The following USP6NL variants were observed in gnomAD, a reference collection of about 807,000 sequenced individuals.
The protein encoded by USP6NL is USP6 N-terminal-like protein.
A neutral mutation model predicts 61.9 loss-of-function variants in USP6NL; 26 were observed. That is an observed-to-expected ratio of 0.42 (90% CI 0.31 to 0.58). The LOEUF is 0.58. Ranked by LOEUF, USP6NL falls within the 20% of genes least tolerant of loss-of-function variation. The pLI, the probability that USP6NL is intolerant of heterozygous loss-of-function variation, is 0.16. For synonymous variants in USP6NL, 432 were observed against 390.1 expected (o/e 1.11, Z -1.27); for missense variants, 1,114 against 1,034.3 (o/e 1.08, Z -1.06).
chr10:11,493,002 A>G (rs1367970407), intron 8 of USP6NL, 117 bp downstream of exon 8: 3 of 810,588 alleles, frequency 3.7e-6, no homozygotes, highest in Non-Finnish European at 5.6e-6. Flanking sequence ...GATCTGCAAA[A>G]GCTTAAACCT....
rs747984312 is a variant in USP6NL at position 11,574,944 on chromosome 10, C to T, written c.4+22687G>A. Reference sequence around the variant, plus strand: ...TTAAAATTCAAGGTGAAGTTTTCAGCTCTTCAGACACGACGTGCTACACCA... The same window carrying T: ...TTAAAATTCAAGGTGAAGTTTTCAGTTCTTCAGACACGACGTGCTACACCA... On this transcript the variant is annotated intron_variant, in intron 2 of 14. Transcript: ENST00000609104. This position sits in a 1 kb window ranked among gnomAD's most constrained non-coding sequence, Gnocchi z 4.3. Among the ~76,000 whole-genome samples the T allele has an allele frequency of 9.9e-5, 15 of 152,194 alleles. No homozygotes were observed. The highest frequency in any genetic ancestry group is 4.1e-4 in the South Asian group (2 of 4,828).
chr10:11,515,864 A>T (rs1172678372), intron 5 of USP6NL, among the ~76,000 whole-genome samples: 1 of 152,188 alleles, frequency 6.6e-6, no homozygotes, highest in Non-Finnish European at 1.5e-5. Context: ...ACACCCTGAC[A>T]TTGGAAAGTC....
chr10:11,559,755 C>T (rs948220630), intron 2 of USP6NL, among the ~76,000 whole-genome samples: 1 of 152,122 alleles, frequency 6.6e-6, no homozygotes, highest in Non-Finnish European at 1.5e-5. Context: ...TTTCAACTCC[C>T]TGGGGAAGGA....
chr10:11,595,240 A>G lies in USP6NL; in HGVS notation c.4+2391T>C, dbSNP rs567456211. ...TGTAGATCAGACATCTAACAGGAAC[A>G]TAAAGGGTGAGGCACACTGAAGGCA... is the stretch of plus-strand genomic sequence containing the variant. On this transcript the variant is annotated intron_variant, in intron 2 of 14. Coordinates refer to ENST00000609104, the MANE Select transcript of USP6NL (RefSeq NM_014688.5). The surrounding 1 kb of genome is among the most constrained non-coding windows in gnomAD (Gnocchi z 5.3). Among the ~76,000 whole-genome samples, 20 of 152,312 alleles carry G rather than the reference A, an allele frequency of 1.3e-4. No individual in the cohort carries two copies. The South Asian group carries it at 3.7e-3, about 28-fold the overall frequency.
rs1368431416 is a variant in USP6NL at position 11,525,836 on chromosome 10, GAGAA to G, written c.73-372_73-369del. ...ACAGTTCTAGACCAAACACGTCTCA[GAGAA>G]AGAGATTTTTCTTTTTTGCCTTTTT... On this transcript the variant is annotated intron_variant, in intron 3 of 14. Transcript: ENST00000609104. This position sits in a 1 kb window ranked among gnomAD's most constrained non-coding sequence, Gnocchi z 5.0. 6.6e-6 allele frequency among the ~76,000 whole-genome samples: 1 copy of G among 152,198 alleles called. No homozygotes were observed. Among genetic ancestry groups the G allele is most frequent in the African/African-American group, 2.4e-5 (1 of 41,462 alleles).
chr10:11,595,981 T>C lies in USP6NL; in HGVS notation c.4+1650A>G, dbSNP rs1483456421. 2.0e-5 allele frequency among the ~76,000 whole-genome samples: 3 copies of C among 152,228 alleles called. No individual in the cohort carries two copies. Among genetic ancestry groups the C allele is most frequent in the Non-Finnish European group, 4.4e-5 (3 of 68,036 alleles). On this transcript the variant is annotated intron_variant, in intron 2 of 14. Transcript: ENST00000609104. The surrounding 1 kb of genome is among the most constrained non-coding windows in gnomAD (Gnocchi z 5.3). ...ATGTGGTTCAAACACTATTAGTTGC[T>C]TGGCAAGCCATTCCTCCCCTCTGCC...
chr10:11,527,645 A>T (rs1835474670), intron 2 of USP6NL, 78 bp from the exon 3 acceptor site: 1 of 1,279,826 alleles, frequency 7.8e-7, no homozygotes, highest in African/African-American at 1.5e-5. Context: ...ACTAAGACAT[A>T]ATAAAACAAA....
rs898142309 is a variant in USP6NL at position 11,485,457 on chromosome 10, T to C, written c.760-223A>G. 1.3e-5 allele frequency among the ~76,000 whole-genome samples: 2 copies of C among 152,122 alleles called. No individual in the cohort carries two copies. The highest frequency in any genetic ancestry group is 4.8e-5 in the African/African-American group (2 of 41,404). On this transcript the variant is annotated intron_variant, in intron 11 of 14. Coordinates refer to ENST00000609104, the MANE Select transcript of USP6NL (RefSeq NM_014688.5). This position sits in a 1 kb window ranked among gnomAD's most constrained non-coding sequence, Gnocchi z 4.8. ...CTTTGTTTTACTAAACTACTGTGTT[T>C]TATAGTAAGGCATATATATAGTTCA...
chr10:11,530,248 T>C (rs1425001188), intron 2 of USP6NL, among the ~76,000 whole-genome samples: 2 of 152,176 alleles, frequency 1.3e-5, no homozygotes, highest in Non-Finnish European at 1.5e-5. Context: ...TTTATTGGAA[T>C]GTCTTTTATA....
intron 14 of USP6NL, among the ~76,000 whole-genome samples, chr10:11,479,170 C>A (rs1833086536): frequency 6.6e-6 from 1 of 152,154 alleles, no homozygotes; most frequent in African/African-American, 2.4e-5. Context: ...AAAAACACTT[C>A]ATCCAGCATG....
At position 11,595,126 on chromosome 10, in the gene USP6NL, C is replaced by T. The variant is rs532358735; in HGVS notation, c.4+2505G>A. 3.3e-5 allele frequency among the ~76,000 whole-genome samples: 5 copies of T among 152,292 alleles called. No homozygotes were observed. In the South Asian group the frequency reaches 1.0e-3, roughly 32 times the overall value. ...CGATGGCATTGTTCTTTCTCTGTAG[C>T]TTCCCCTTCTTCACACAAACACACA... On this transcript the variant is annotated intron_variant, in intron 2 of 14. Coordinates refer to ENST00000609104, the MANE Select transcript of USP6NL (RefSeq NM_014688.5). The surrounding 1 kb of genome is among the most constrained non-coding windows in gnomAD (Gnocchi z 5.3).
chr10:11,588,042 C>T (rs1221735894), intron 2 of USP6NL, among the ~76,000 whole-genome samples: 1 of 152,152 alleles, frequency 6.6e-6, no homozygotes, highest in Admixed American at 6.6e-5. Flanking sequence ...ACAGAATGTC[C>T]CCTAACCAGT....
rs1286204968 is a variant in USP6NL, at chr10:11,490,835, G to A, written c.540C>T (p.Asn180=). ...FHVLAAYSIY[N]TEVGYCQGMS... ...GGGCAGGCAGGCCCCAACTTACCGT[G>A]TTATAAATAGAATAGGCAGCAAGCA... The change falls in exon 9 of 15, where the codon AAC becomes AAT. Residue 180 remains asparagine, a synonymous_variant. Coordinates refer to ENST00000609104, the MANE Select transcript of USP6NL (RefSeq NM_014688.5). This position sits in a 1 kb window ranked among gnomAD's most constrained non-coding sequence, Gnocchi z 4.5. The A allele has an allele frequency of 6.4e-7, 1 of 1,554,292 alleles. No homozygotes were observed.
At chr10:11,549,943 G>A (rs538186655) in intron 2 of USP6NL, among the ~76,000 whole-genome samples, 6 of 152,116 alleles carry the variant, frequency 3.9e-5, no homozygotes, top group Admixed American at 1.3e-4. Flanking sequence ...CTCTGTTGTC[G>A]GCCTTAGATT....
intron 2 of USP6NL, among the ~76,000 whole-genome samples, chr10:11,550,911 A>T (rs183526369): frequency 1.3e-5 from 2 of 152,288 alleles, no homozygotes; most frequent in East Asian, 1.9e-4. Context: ...GAGAAATGTA[A>T]ATTAAAATCA....
intron 2 of USP6NL, chr10:11,563,470 T>C (rs2133542066): frequency 6.6e-6 from 1 of 152,092 alleles, no homozygotes; most frequent in East Asian, 1.9e-4. Context: ...GTAAAACTAA[T>C]GAAATCTGAA....
intron 1 of USP6NL, among the ~76,000 whole-genome samples, chr10:11,606,278 G>A (rs1352873906): frequency 6.6e-6 from 1 of 152,124 alleles, no homozygotes; most frequent in East Asian, 1.9e-4. Flanking sequence ...GAATGTAGAT[G>A]AAATAAAGAT....
At chr10:11,536,748 T>C (rs1476811645) in intron 2 of USP6NL, among the ~76,000 whole-genome samples, 2 of 152,172 alleles carry the variant, frequency 1.3e-5, no homozygotes, top group Admixed American at 1.3e-4. Flanking sequence ...CCCACTTGCA[T>C]CTCCCATAAC....
intron 2 of USP6NL, among the ~76,000 whole-genome samples, chr10:11,582,344 G>A (rs1453497960): frequency 6.6e-6 from 1 of 152,094 alleles, no homozygotes; most frequent in African/African-American, 2.4e-5. Flanking sequence ...CAGGTGATCC[G>A]CCCGCCTCAG....
Sources: allele counts gnomAD v4.1 joint callset (sites outside exome capture counted in the v4.1 genomes callset), GRCh38; gene constraint gnomAD v4.1.1; non-coding constraint Gnocchi (gnomAD v3.1); transcripts MANE v1.5; gene names NCBI Gene and HGNC (gene_info 2026-07-23, HGNC 2026-07-21).